Variants in SWAP70 observed in about 807,000 individuals in gnomAD.
SWAP70 encodes the protein switch-associated protein 70.
SWAP70 carries 34 observed loss-of-function variants against 80.2 expected under a neutral mutation model. The observed-to-expected ratio is 0.42, with a 90% CI of 0.32 to 0.56. The LOEUF (loss-of-function observed/expected upper bound fraction) is 0.56, where lower values mean the gene tolerates loss of function less well. Ranked by LOEUF, SWAP70 falls within the 20% of genes least tolerant of loss-of-function variation. SWAP70 has a pLI of 0.09. For missense variants in SWAP70, 578 were observed against 690.7 expected (o/e 0.84, Z 1.83); for synonymous variants, 239 against 238.5 (o/e 1.00, Z -0.02).
chr11:9,695,283 A>G lies in SWAP70; in HGVS notation c.240+997A>G, dbSNP rs116468177. On this transcript the variant is annotated intron_variant, in intron 2 of 11. Transcript: ENST00000318950. Reference sequence around the variant, plus strand: ...CATTCCAGCCTGGGCATCAAGAGCGAAAATCCGTGTCAGAAAAAAAAAAAA... The same window carrying G: ...CATTCCAGCCTGGGCATCAAGAGCGGAAATCCGTGTCAGAAAAAAAAAAAA... Among the ~76,000 whole-genome samples the G allele has an allele frequency of 5.0e-3, 758 of 152,108 alleles. 8 individuals are homozygous for G. The highest frequency in any genetic ancestry group is 0.018 in the African/African-American group (732 of 41,490).
intron 2 of SWAP70, among the ~76,000 whole-genome samples, chr11:9,701,805 T>TA (rs1264920213): frequency 1.3e-4 from 19 of 148,396 alleles, no homozygotes; most frequent in African/African-American, 3.2e-4. Flanking sequence ...ATAAAGTATA[T>TA]AAAAAACTAG....
intron 1 of SWAP70, among the ~76,000 whole-genome samples, chr11:9,681,598 A>G (rs369874593): frequency 3.3e-5 from 5 of 152,242 alleles, no homozygotes; most frequent in Middle Eastern, 3.4e-3. Context: ...AAGTCTGGGT[A>G]AGTTGGTGAG....
At chr11:9,748,883 G>A (rs1437523149) in intron 10 of SWAP70, among the ~76,000 whole-genome samples, 2 of 152,198 alleles carry the variant, frequency 1.3e-5, no homozygotes, top group African/African-American at 4.8e-5. Context: ...ATTTCCTGCT[G>A]TGTGACTCTC....
At position 9,706,339 on chromosome 11, in the gene SWAP70, TTGGTGATCTGTATACAC is replaced by T. The variant is rs1223467645; in HGVS notation, c.241-7110_241-7094del. Among the ~76,000 whole-genome samples, 824 of 149,050 alleles carry T rather than the reference TTGGTGATCTGTATACAC, an allele frequency of 5.5e-3. 25 individuals are homozygous for T. Among genetic ancestry groups the T allele is most frequent in the African/African-American group, 0.019 (764 of 39,342 alleles). ...GTATACACTGGTGATCTGTGTATAC[TTGGTGATCTGTATACAC>T]TGGTGATCTGTATACATTGATCAGC... On this transcript the variant is annotated intron_variant, in intron 2 of 11. Coordinates refer to ENST00000318950, the MANE Select transcript of SWAP70 (RefSeq NM_015055.4).
chr11:9,684,992 G>C (rs1367551686), intron 1 of SWAP70, among the ~76,000 whole-genome samples: 1 of 152,146 alleles, frequency 6.6e-6, no homozygotes, highest in African/African-American at 2.4e-5. Context: ...AAGCTTGCTG[G>C]AGTTAAATCT....
Position 9,728,058 on chromosome 11 carries a change from C to A in SWAP70, c.648C>A (p.Tyr216Ter), listed in dbSNP as rs781521964. ...ELILDVLKQG[Y>*]MMKKGHRRKN... ...TCACATTTAATCTTTCACAGGGTTA[C>A]ATGATGAAAAAGGGCCACAGACGGA... The change falls in exon 5 of 12, where the codon TAC (tyrosine) becomes TAA (stop). Residue 216 changes from tyrosine (Y) to a stop codon, truncating the protein, a stop_gained. Transcript: ENST00000318950. LOFTEE classifies it high-confidence loss of function. 2 of 1,603,302 alleles carry A rather than the reference C, an allele frequency of 1.2e-6. No homozygotes were observed. Among genetic ancestry groups the A allele is most frequent in the Non-Finnish European group, 1.7e-6 (2 of 1,176,048 alleles).
intron 1 of SWAP70, among the ~76,000 whole-genome samples, chr11:9,671,795 A>ATTT (rs1850411344): frequency 1.6e-5 from 1 of 61,532 alleles, no homozygotes; most frequent in Non-Finnish European, 2.8e-5. Context: ...ATTATTTATA[A>ATTT]ATATATATAA....
chr11:9,666,720 C>G (rs1590002767), intron 1 of SWAP70, among the ~76,000 whole-genome samples: 1 of 124,776 alleles, frequency 8.0e-6, no homozygotes, highest in East Asian at 2.3e-4. Flanking sequence ...CAGATGACCT[C>G]TTAATTTTTT....
chr11:9,720,343 AAGGTTC>A (rs1851118821), intron 3 of SWAP70: 5 of 985,328 alleles, frequency 5.1e-6, no homozygotes, highest in Non-Finnish European at 6.0e-6. Flanking sequence ...CACCTTCAGA[AAGGTTC>A]AGGATGAACC....
intron 2 of SWAP70, among the ~76,000 whole-genome samples, chr11:9,711,499 C>T (rs1850998130): frequency 6.6e-6 from 1 of 152,106 alleles, no homozygotes; most frequent in Non-Finnish European, 1.5e-5. Flanking sequence ...TGTCTCACAC[C>T]TCAAAATCTG....
intron 1 of SWAP70, among the ~76,000 whole-genome samples, chr11:9,686,419 G>A (rs760423405): frequency 1.3e-5 from 2 of 150,688 alleles, no homozygotes; most frequent in Non-Finnish European, 2.9e-5. Flanking sequence ...GGAGTACAGC[G>A]GCACCATCAC....
rs142941179 is a variant in SWAP70, at chr11:9,668,211, T to C, written c.99+3933T>C. Among the ~76,000 whole-genome samples, 22 of 152,336 alleles carry C rather than the reference T, an allele frequency of 1.4e-4. No individual in the cohort carries two copies. The Middle Eastern group carries it at 0.01, about 71-fold the overall frequency. On this transcript the variant is annotated intron_variant, in intron 1 of 11. Coordinates refer to ENST00000318950, the MANE Select transcript of SWAP70 (RefSeq NM_015055.4). Reference sequence around the variant, plus strand: ...GCCTATTTTCACACTTTAAAGCCAATGGTTTCTTCATTTTCTTCTCTTCCA... The same window carrying C: ...GCCTATTTTCACACTTTAAAGCCAACGGTTTCTTCATTTTCTTCTCTTCCA...
rs889622307 is a variant in SWAP70 at position 9,749,454 on chromosome 11, A to G, written c.1651+271A>G. 1.4e-4 allele frequency among the ~76,000 whole-genome samples: 21 copies of G among 152,098 alleles called. 1 individual carries two copies. The highest frequency in any genetic ancestry group is 2.6e-4 in the Admixed American group (4 of 15,270). On this transcript the variant is annotated intron_variant, in intron 11 of 11. Transcript: ENST00000318950. The stretch of plus-strand genomic sequence containing the variant: ...GTAGAGACGGGGTTTCACCGTGTTA[A>G]CCAGGATGGTCTTGATCTCCTGACC...
intron 2 of SWAP70, among the ~76,000 whole-genome samples, chr11:9,710,424 A>G (rs1371728026): frequency 6.6e-6 from 1 of 152,152 alleles, no homozygotes. Flanking sequence ...GAGGCAAGGT[A>G]CTAAAGGCAG....
intron 4 of SWAP70, 50 bp from the exon 5 acceptor site, chr11:9,728,003 C>T (rs1158531159): frequency 1.3e-5 from 16 of 1,276,004 alleles, no homozygotes; most frequent in Non-Finnish European, 8.6e-6. Flanking sequence ...GAGATGTCAG[C>T]TCTTACAAAT....
intron 1 of SWAP70, among the ~76,000 whole-genome samples, 160 bp from the exon 2 acceptor site, chr11:9,693,986 T>G (rs1850725060): frequency 6.6e-6 from 1 of 152,190 alleles, no homozygotes; most frequent in African/African-American, 2.4e-5. Flanking sequence ...AATAACAGGT[T>G]ACAAGTAGGG....
At chr11:9,707,471 A>G (rs1382720491) in intron 2 of SWAP70, among the ~76,000 whole-genome samples, 6 of 151,306 alleles carry the variant, frequency 4.0e-5, no homozygotes, top group Admixed American at 1.3e-4. Context: ...GTTCTTCCCT[A>G]TTGTCACCTA....
intron 1 of SWAP70, among the ~76,000 whole-genome samples, chr11:9,685,929 C>T (rs1303608239): frequency 5.3e-5 from 8 of 151,932 alleles, no homozygotes; most frequent in Admixed American, 4.6e-4. Flanking sequence ...GCCATTGCTC[C>T]CGGCGAGGCC....
At chr11:9,709,793 A>G (rs1356825784) in intron 2 of SWAP70, among the ~76,000 whole-genome samples, 2 of 152,114 alleles carry the variant, frequency 1.3e-5, no homozygotes, top group East Asian at 1.9e-4. Context: ...CTGGCTTCCA[A>G]GGTTAGCTTT....
Sources: gnomAD v4.1 joint callset for allele counts (sites outside exome capture counted in the v4.1 genomes callset) on GRCh38, gnomAD v4.1.1 for gene constraint, MANE v1.5 for transcripts, NCBI Gene and HGNC (gene_info 2026-07-23, HGNC 2026-07-21) for gene names.